Variants in POLN observed in about 807,000 individuals in gnomAD.
POLN encodes DNA polymerase nu.
A neutral mutation model predicts 113.5 loss-of-function variants in POLN; 108 were observed. That is an observed-to-expected ratio of 0.95 (90% CI 0.81 to 1.12). The LOEUF (loss-of-function observed/expected upper bound fraction) is 1.12, where lower values mean the gene tolerates loss of function less well. POLN is among the 50% of genes most tolerant of loss of function. The pLI is 0.00. For missense variants in POLN, 1,097 were observed against 1,077.1 expected, an observed-to-expected ratio of 1.02 and a Z score of -0.26; for synonymous variants, 386 against 391.5, an observed-to-expected ratio of 0.99 and a Z score of 0.17.
intron 14 of POLN, among the ~76,000 whole-genome samples, 174 bp from the exon 15 acceptor site, chr4:2,158,085 G>A (rs754200191): frequency 5.3e-5 from 8 of 152,112 alleles, no homozygotes; most frequent in Non-Finnish European, 1.2e-4. Flanking sequence ...CTGAGTAGCT[G>A]GGATTACAGG....
At chr4:2,101,321 A>G (rs534541843) in intron 19 of POLN, among the ~76,000 whole-genome samples, 1 of 152,364 alleles carries the variant, frequency 6.6e-6, no homozygotes, top group Non-Finnish European at 1.5e-5. Flanking sequence ...CACTTAAAAG[A>G]ACCAAAATGC....
intron 9 of POLN, among the ~76,000 whole-genome samples, chr4:2,176,009 A>G (rs1187410682): frequency 6.6e-6 from 1 of 152,184 alleles, no homozygotes; most frequent in Non-Finnish European, 1.5e-5. Flanking sequence ...TACATTAACT[A>G]TGGCATTGGA....
At chr4:2,193,731 C>A (rs963623309) in intron 6 of POLN, among the ~76,000 whole-genome samples, 1 of 152,192 alleles carries the variant, frequency 6.6e-6, no homozygotes, top group Non-Finnish European at 1.5e-5. Context: ...GGCTGTGCCA[C>A]GTCCTGCTTT....
At chr4:2,214,161 G>A (rs1359640483) in intron 3 of POLN, among the ~76,000 whole-genome samples, 1 of 152,048 alleles carries the variant, frequency 6.6e-6, no homozygotes, top group Admixed American at 6.6e-5. Context: ...GCTTGAACCC[G>A]GGAGGTGGAG....
intron 23 of POLN, among the ~76,000 whole-genome samples, chr4:2,077,736 C>T (rs1238977088): frequency 6.6e-6 from 1 of 152,252 alleles, no homozygotes; most frequent in Non-Finnish European, 1.5e-5. Context: ...GCTGGTGTGG[C>T]AGGAACCTAA....
At chr4:2,129,326 ATATTATT>A in intron 17 of POLN, 70 bp from the exon 18 acceptor site, 1 of 935,998 alleles carries the variant, frequency 1.1e-6, no homozygotes, top group South Asian at 1.4e-5. Flanking sequence ...CCTCAATACA[ATATTATT>A]TGAATATTAT....
In POLN at chr4:2,159,115, C is replaced by T. The variant is rs1003722123; in HGVS notation, c.1611+40G>A. On this transcript the variant is annotated intron_variant, in intron 14 of 25. Coordinates refer to ENST00000511885, the MANE Select transcript of POLN (RefSeq NM_181808.4). ...GACACAGGGCCATATGGTTCCCCCT[C>T]ATCACCTTTTACCTTTTACGTACAA... The T allele has an allele frequency of 1.0e-5, 15 of 1,449,840 alleles. No individual in the cohort carries two copies. In the African/African-American group the frequency reaches 2.0e-4, roughly 19 times the overall value. The allele number at this position is 1,449,840 out of a possible 1,614,324, so 89.8% of individuals were successfully genotyped here.
At chr4:2,191,857 C>T (rs189871399) in intron 7 of POLN, among the ~76,000 whole-genome samples, 37 of 152,036 alleles carry the variant, frequency 2.4e-4, no homozygotes, top group Admixed American at 1.0e-3. Context: ...TGGAGCCAGG[C>T]GCAGTGGGTC....
intron 15 of POLN, 44 bp from the exon 16 acceptor site, chr4:2,156,897 T>A (rs1329896607): frequency 1.3e-6 from 2 of 1,500,764 alleles, no homozygotes; most frequent in Admixed American, 1.7e-5. Context: ...AGCAATGCTA[T>A]GTGAAGTTAA....
chr4:2,205,786 A>G (rs1256542124), intron 5 of POLN, among the ~76,000 whole-genome samples: 2 of 151,916 alleles, frequency 1.3e-5, no homozygotes, highest in Admixed American at 1.3e-4. Flanking sequence ...GAGGCAGAAG[A>G]ATCACTTGAA....
At chr4:2,192,114 C>CAA (rs772637540) in intron 7 of POLN, among the ~76,000 whole-genome samples, 18,233 of 66,694 alleles carry the variant, frequency 0.27, 2,511 homozygotes, top group East Asian at 0.45. Context: ...GACTCCATCT[C>CAA]AAAAAAAAAA....
At chr4:2,216,310 G>C (rs1350439496) in intron 3 of POLN, among the ~76,000 whole-genome samples, 1 of 152,226 alleles carries the variant, frequency 6.6e-6, no homozygotes, top group Non-Finnish European at 1.5e-5. Flanking sequence ...GAGTGTGAGG[G>C]AGAAATACAG....
At chr4:2,177,787 T>C (rs1263532274) in intron 8 of POLN, among the ~76,000 whole-genome samples, 1 of 152,204 alleles carries the variant, frequency 6.6e-6, no homozygotes, top group Non-Finnish European at 1.5e-5. Context: ...CTAATCAAGA[T>C]GCCTGGCCTC....
chr4:2,197,450 T>C (rs934821798), intron 6 of POLN, among the ~76,000 whole-genome samples: 8 of 152,130 alleles, frequency 5.3e-5, no homozygotes, highest in Admixed American at 5.2e-4. Context: ...CCTAAGCTCA[T>C]GGAGGGCTGA....
intron 8 of POLN, among the ~76,000 whole-genome samples, chr4:2,177,829 G>A (rs183006448): frequency 1.3e-5 from 2 of 152,266 alleles, no homozygotes; most frequent in Non-Finnish European, 2.9e-5. Flanking sequence ...GGTACAAGGA[G>A]GGAAAGAAAA....
intron 23 of POLN, chr4:2,078,488 T>G (rs901833912): frequency 2.7e-6 from 2 of 733,628 alleles, no homozygotes; most frequent in South Asian, 6.1e-5. Context: ...TTTTTTTTTT[T>G]GTTAGACAGA....
At chr4:2,155,991 C>A (rs941690846) in intron 16 of POLN, among the ~76,000 whole-genome samples, 1 of 152,176 alleles carries the variant, frequency 6.6e-6, no homozygotes, top group South Asian at 2.1e-4. Flanking sequence ...CCCGCCACCA[C>A]GCCCAGCTAA....
intron 17 of POLN, among the ~76,000 whole-genome samples, chr4:2,130,895 A>C (rs1420343395): frequency 2.0e-5 from 3 of 152,182 alleles, no homozygotes; most frequent in Non-Finnish European, 4.4e-5. Flanking sequence ...AAAAATGTTA[A>C]AAAGGGCACA....
chr4:2,105,035 C>A (rs930307572), intron 19 of POLN, among the ~76,000 whole-genome samples: 4 of 152,220 alleles, frequency 2.6e-5, no homozygotes, highest in African/African-American at 9.6e-5. Context: ...CCCCACCATC[C>A]CAACTGAGCC....
Sources: allele counts gnomAD v4.1 joint callset (sites outside exome capture counted in the v4.1 genomes callset), GRCh38; gene constraint gnomAD v4.1.1; transcripts MANE v1.5; gene names NCBI Gene and HGNC (gene_info 2026-07-23, HGNC 2026-07-21).